Variants in CCDC9 observed in about 807,000 individuals in gnomAD.
The protein encoded by CCDC9 is coiled-coil domain containing 9.
A neutral mutation model predicts 65.6 loss-of-function variants in CCDC9; 52 were observed. The ratio of observed to expected loss-of-function variants is 0.79; its 90% CI spans 0.63 to 1.00. The LOEUF is 1.00. CCDC9 is among the 50% of genes least tolerant of loss of function. The pLI is 0.00. For missense variants in CCDC9, 834 were observed against 757.2 expected (o/e 1.10, Z -1.19); for synonymous variants, 332 against 280.3 (o/e 1.18, Z -1.84).
rs768050798 is a variant in CCDC9 at position 47,260,611 on chromosome 19, G to C, written c.234G>C (p.Arg78=). 1 of 1,527,002 alleles carries C rather than the reference G, an allele frequency of 6.5e-7. No individual in the cohort carries two copies. Among genetic ancestry groups the C allele is most frequent in the South Asian group, 1.3e-5 (1 of 77,676 alleles). The allele number at this position is 1,527,002 out of a possible 1,614,324, so 94.6% of individuals were successfully genotyped here. A position where few individuals can be genotyped will look rare whatever the true frequency, so the allele number is the denominator to read the frequency against. The part of the protein sequence containing the change: ...VESEKNLGPS[R]RSPGTPRPPG... ...AGGAGAAGAACCTGGGTCCTTCCCG[G>C]AGGTCTCCTGGGACCCCTCGGCCCC... Residue 78 remains arginine (R), a synonymous_variant, in exon 5 of 12, where the codon CGG becomes CGC. Transcript: ENST00000221922.
intron 3 of CCDC9, 60 bp downstream of exon 3, chr19:47,258,723 C>T (rs970531430): frequency 7.8e-6 from 10 of 1,281,264 alleles, no homozygotes; most frequent in Admixed American, 3.4e-5. Flanking sequence ...GAGTTTTTCT[C>T]ACCTCTCCCT....
At position 47,260,790 on chromosome 19, in the gene CCDC9, C is replaced by G; in HGVS notation, c.413C>G (p.Pro138Arg). The change falls in exon 5 of 12, where the codon CCT becomes CGT. Residue 138 changes from proline to arginine, a missense_variant. Coordinates refer to ENST00000221922, the MANE Select transcript of CCDC9 (RefSeq NM_015603.3). ...CGGAGGGGCCGGGGCCGAGGTTCAC[C>G]TCACCTCTCTGGAGCTGGAGACACC... ...RGRRGRGRGS[P>R]HLSGAGDTSI... 1.2e-6 allele frequency: 2 copies of G among 1,613,416 alleles called. No individual in the cohort carries two copies. Among genetic ancestry groups the G allele is most frequent in the Non-Finnish European group, 8.5e-7 (1 of 1,179,684 alleles).
chr19:47,259,808 T>C lies in CCDC9; in HGVS notation c.109-513T>C, dbSNP rs147094071. On this transcript the variant is annotated intron_variant, in intron 3 of 11. Coordinates refer to ENST00000221922, the MANE Select transcript of CCDC9 (RefSeq NM_015603.3). ...AAGCAGACAGTGAGCGAGACGCATA[T>C]GGTGCTGGGTGCAAATGGGATGAGA... Among the ~76,000 whole-genome samples the C allele has an allele frequency of 3.8e-3, 585 of 152,214 alleles. 5 individuals carry two copies. Among genetic ancestry groups the C allele is most frequent in the African/African-American group, 0.013 (558 of 41,512 alleles).
At chr19:47,258,781 A>C (rs11666429) in intron 3 of CCDC9, 118 bp downstream of exon 3, 191 of 722,632 alleles carry the variant, frequency 2.6e-4, no homozygotes, top group Non-Finnish European at 4.2e-4. Flanking sequence ...GATAAAGGCC[A>C]AAGGCCTTAG....
At position 47,271,708 on chromosome 19, in the gene CCDC9, TGTGTGTGTGTGTGTGTGTGTGTGTGCGC is replaced by T. The variant is rs2059120599; in HGVS notation, c.*32_*59del. ...GGCTGCCTGTGTGTGTGTGTGTGTG[TGTGTGTGTGTGTGTGTGTGTGTGTGCGC>T]GCGCGCGCGCGCGCGCGCGCGCGCT... On this transcript the variant is annotated 3_prime_UTR_variant, in exon 12 of 12. Transcript: ENST00000221922. 4 of 1,349,624 alleles carry T rather than the reference TGTGTGTGTGTGTGTGTGTGTGTGTGCGC, an allele frequency of 3.0e-6. No homozygotes were observed. Among genetic ancestry groups the T allele is most frequent in the African/African-American group, 2.1e-5 (1 of 46,962 alleles). 83.6% of individuals were successfully genotyped at this position (1,349,624 alleles called of 1,614,324 possible).
In CCDC9 at chr19:47,260,305, G is replaced by A. The variant is rs181772484; in HGVS notation, c.109-16G>A. On this transcript the variant is annotated splice_polypyrimidine_tract_variant and intron_variant, in intron 3 of 11. Transcript: ENST00000221922. ...AGGGCACCTGATGCTTCCCTACCCC[G>A]GCTGTCTGCTCCTAGGAGATTGAGG... is the stretch of plus-strand genomic sequence containing the variant. The A allele has an allele frequency of 2.2e-5, 34 of 1,553,230 alleles. No homozygotes were observed. The Admixed American group carries it at 6.1e-4, about 28-fold the overall frequency.
chr19:47,272,805 G>A (rs2059131845), downstream of CCDC9, among the ~76,000 whole-genome samples: 1 of 152,168 alleles, frequency 6.6e-6, no homozygotes, highest in Non-Finnish European at 1.5e-5. Context: ...TACCCGATCA[G>A]CATTTTGGGA....
Position 47,260,424 on chromosome 19 carries a change from T to A in CCDC9, c.210+2T>A. ...AAGGAGAACGTGGCAGTGGAGTCGG[T>A]GAGCTCGTCACTGGGGTGTGGGACC... is the stretch of plus-strand genomic sequence containing the variant. On this transcript the variant is annotated splice_donor_variant, in intron 4 of 11. Coordinates refer to ENST00000221922, the MANE Select transcript of CCDC9 (RefSeq NM_015603.3). LOFTEE classifies it high-confidence loss of function. 1 of 1,608,686 alleles carries A rather than the reference T, an allele frequency of 6.2e-7. No homozygotes were observed. Among genetic ancestry groups the A allele is most frequent in the Non-Finnish European group, 8.5e-7 (1 of 1,177,504 alleles).
chr19:47,270,726 G>T, intron 10 of CCDC9, 38 bp downstream of exon 10: 1 of 1,577,466 alleles, frequency 6.3e-7, no homozygotes, highest in Non-Finnish European at 8.6e-7. Flanking sequence ...TACCCCCAGG[G>T]CTCTCCGCAG....
At chr19:47,260,042 C>T (rs999614833) in intron 3 of CCDC9, among the ~76,000 whole-genome samples, 4 of 152,102 alleles carry the variant, frequency 2.6e-5, no homozygotes, top group Non-Finnish European at 4.4e-5. Flanking sequence ...CCGGAGTGAT[C>T]GTGGGGAGAG....
intron 10 of CCDC9, 145 bp from the exon 11 acceptor site, chr19:47,270,937 A>C: frequency 1.4e-6 from 1 of 735,572 alleles, no homozygotes; most frequent in South Asian, 1.7e-5. Context: ...TCCTTGACAC[A>C]TGGGGACACA....
downstream of CCDC9, chr19:47,274,851 G>C (rs1600297888): frequency 4.5e-6 from 5 of 1,104,606 alleles, no homozygotes; most frequent in Non-Finnish European, 5.6e-6. Context: ...CGGTCTGCGG[G>C]GTGGGGGCGG....
chr19:47,263,250 C>T (rs1369137177), intron 5 of CCDC9, among the ~76,000 whole-genome samples: 1 of 152,102 alleles, frequency 6.6e-6, no homozygotes, highest in African/African-American at 2.4e-5. Flanking sequence ...TGTGCCAGGG[C>T]CCCCAGCACC....
intron 5 of CCDC9, among the ~76,000 whole-genome samples, chr19:47,262,359 G>A (rs1382483528): frequency 6.6e-6 from 1 of 151,986 alleles, no homozygotes; most frequent in Non-Finnish European, 1.5e-5. Flanking sequence ...TGGGATTACA[G>A]GTGTGCACCA....
chr19:47,273,503 C>T (rs568583015), downstream of CCDC9: 16 of 579,022 alleles, frequency 2.8e-5, 1 homozygote, highest in East Asian at 3.5e-4. Context: ...GCACTAACCT[C>T]CCACCGCCTC....
At chr19:47,273,476 C>A, downstream of CCDC9, 1 of 896,354 alleles carries the variant, frequency 1.1e-6, no homozygotes, top group Non-Finnish European at 1.5e-6. Context: ...CCCGCCGGAC[C>A]GCGGCCTCCG....
chr19:47,265,060 A>T, intron 7 of CCDC9, 114 bp downstream of exon 7: 1 of 939,276 alleles, frequency 1.1e-6, no homozygotes. Flanking sequence ...GCCACAGCAC[A>T]GGACTTTTTT....
At chr19:47,258,251 G>A in intron 1 of CCDC9, 79 bp from the exon 2 acceptor site, 1 of 770,542 alleles carries the variant, frequency 1.3e-6, no homozygotes, top group Non-Finnish European at 2.2e-6. Flanking sequence ...GTATGGCTGT[G>A]AGGATCCCGC....
Position 47,271,515 on chromosome 19 carries a change from T to C in CCDC9, c.1433T>C (p.Leu478Pro), listed in dbSNP as rs888836. The part of the protein sequence containing the change: ...GVPFSPEEPL[L>P]EPQAPGTPSS... Reference sequence around the variant, plus strand: ...CCCTTCAGTCCGGAGGAGCCCCTGCTGGAGCCCCAGGCCCCTGGCACGCCT... The same window carrying C: ...CCCTTCAGTCCGGAGGAGCCCCTGCCGGAGCCCCAGGCCCCTGGCACGCCT... The change falls in exon 12 of 12, where the codon CTG (leucine) becomes CCG (proline). Residue 478 changes from leucine (L) to proline (P), a missense_variant. Transcript: ENST00000221922. The C allele has an allele frequency of 0.45, 726,017 of 1,612,278 alleles. 168,356 individuals carry two copies. Among genetic ancestry groups the C allele is most frequent in the East Asian group, 0.66 (29,438 of 44,784 alleles).
Sources: allele counts gnomAD v4.1 joint callset (sites outside exome capture counted in the v4.1 genomes callset), GRCh38; gene constraint gnomAD v4.1.1; transcripts MANE v1.5; gene names NCBI Gene and HGNC (gene_info 2026-07-23, HGNC 2026-07-21).